Variants in PDE11A observed in about 807,000 individuals in gnomAD.
PDE11A encodes dual 3',5'-cyclic-AMP and -GMP phosphodiesterase 11A.
In PDE11A, 100 loss-of-function variants were observed where a neutral mutation model predicts 100.5. The ratio of observed to expected loss-of-function variants is 1.00; its 90% CI spans 0.85 to 1.18. PDE11A has a LOEUF of 1.18. PDE11A is among the 50% of genes most tolerant of loss of function. The probability of loss-of-function intolerance (pLI) is 0.00; values close to 1 mark genes in which losing one functional copy is unlikely to be tolerated. For synonymous variants in PDE11A, 381 were observed against 420.8 expected, an observed-to-expected ratio of 0.91 and a Z score of 1.16; for missense variants, 1,141 against 1,152.6, an observed-to-expected ratio of 0.99 and a Z score of 0.15.
intron 9 of PDE11A, among the ~76,000 whole-genome samples, chr2:177,798,718 T>C (rs927840400): frequency 1.3e-5 from 2 of 152,192 alleles, no homozygotes; most frequent in African/African-American, 4.8e-5. Flanking sequence ...GGTGTATATA[T>C]ATCCTGAGTA....
chr2:177,958,177 C>G (rs1169486591), intron 2 of PDE11A, among the ~76,000 whole-genome samples: 1 of 152,052 alleles, frequency 6.6e-6, no homozygotes, highest in African/African-American at 2.4e-5. Flanking sequence ...AGGTGTGAGC[C>G]ACCGTGCCCG....
At chr2:177,712,552 T>C (rs2081372471) in intron 12 of PDE11A, among the ~76,000 whole-genome samples, 1 of 152,202 alleles carries the variant, frequency 6.6e-6, no homozygotes, top group Non-Finnish European at 1.5e-5. Flanking sequence ...GAGTGGGGTA[T>C]CCATTACTGG....
At chr2:177,643,482 C>A (rs190754934) in intron 19 of PDE11A, among the ~76,000 whole-genome samples, 1 of 152,034 alleles carries the variant, frequency 6.6e-6, no homozygotes, top group Non-Finnish European at 1.5e-5. Flanking sequence ...GGGTACCTGG[C>A]GGAAGAAATT....
chr2:177,793,095 T>C (rs2082655122), intron 9 of PDE11A, among the ~76,000 whole-genome samples: 1 of 151,704 alleles, frequency 6.6e-6, no homozygotes, highest in South Asian at 2.1e-4. Flanking sequence ...CACCTTTGTG[T>C]GGTGTTAGGG....
chr2:177,966,374 T>C (rs187391786), intron 2 of PDE11A, among the ~76,000 whole-genome samples: 27 of 152,278 alleles, frequency 1.8e-4, no homozygotes, highest in African/African-American at 6.5e-4. Flanking sequence ...AGTCTTCCAG[T>C]ACTATGATGA....
chr2:177,796,327 G>A (rs1013721622), intron 9 of PDE11A, among the ~76,000 whole-genome samples: 2 of 151,998 alleles, frequency 1.3e-5, no homozygotes, highest in Admixed American at 6.6e-5. Flanking sequence ...AGGTACCTGG[G>A]ATCAGCCAAA....
intron 19 of PDE11A, among the ~76,000 whole-genome samples, chr2:177,647,740 T>A (rs970306972): frequency 6.6e-6 from 1 of 152,096 alleles, no homozygotes; most frequent in African/African-American, 2.4e-5. Context: ...TAGGTAAAGA[T>A]CCTTGGGGGA....
intron 10 of PDE11A, among the ~76,000 whole-genome samples, chr2:177,737,396 G>A (rs1248090873): frequency 1.9e-5 from 2 of 106,174 alleles, no homozygotes; most frequent in East Asian, 6.7e-4. Context: ...GGCTAACACA[G>A]TGAAACCCCG....
intron 1 of PDE11A, among the ~76,000 whole-genome samples, chr2:178,017,788 G>C (rs2086357395): frequency 6.6e-6 from 1 of 152,002 alleles, no homozygotes; most frequent in Non-Finnish European, 1.5e-5. Context: ...GTGAAACCTT[G>C]TCTCTACTAA....
At chr2:177,998,025 G>T in intron 2 of PDE11A, 1 of 1,254,820 alleles carries the variant, frequency 8.0e-7, no homozygotes, top group Non-Finnish European at 1.2e-6. Flanking sequence ...CAGTTTTAGA[G>T]AAGAAGGGTA....
At chr2:177,723,926 G>A (rs959550994) in intron 12 of PDE11A, among the ~76,000 whole-genome samples, 6 of 151,916 alleles carry the variant, frequency 3.9e-5, no homozygotes, top group Non-Finnish European at 8.8e-5. Flanking sequence ...AGTCTACATC[G>A]TGAATATAAG....
intron 2 of PDE11A, among the ~76,000 whole-genome samples, chr2:177,912,704 T>A (rs1019819444): frequency 1.7e-4 from 26 of 152,208 alleles, no homozygotes; most frequent in African/African-American, 6.0e-4. Context: ...AGAAAAAAAA[T>A]ACCCATATTT....
At chr2:177,909,739 T>C (rs2084849232) in intron 2 of PDE11A, among the ~76,000 whole-genome samples, 1 of 152,182 alleles carries the variant, frequency 6.6e-6, no homozygotes, top group African/African-American at 2.4e-5. Context: ...TTATTTTTTT[T>C]CCAAAGACAA....
chr2:177,702,186 T>C (rs944649152), intron 13 of PDE11A, among the ~76,000 whole-genome samples: 26 of 152,088 alleles, frequency 1.7e-4, no homozygotes, highest in African/African-American at 6.0e-4. Context: ...ACAATGTCAG[T>C]TCTGCAAAGC....
chr2:177,872,918 C>T (rs891617815), intron 5 of PDE11A, among the ~76,000 whole-genome samples: 1 of 152,176 alleles, frequency 6.6e-6, no homozygotes, highest in African/African-American at 2.4e-5. Context: ...ATGGAAAGGT[C>T]TTCTGAGATA....
At chr2:178,093,858 C>T (rs1461068380) in intron 2 of PDE11A, among the ~76,000 whole-genome samples, 1 of 152,172 alleles carries the variant, frequency 6.6e-6, no homozygotes, top group Non-Finnish European at 1.5e-5. Context: ...TTGAAAGAAG[C>T]ACTCTAACTT....
chr2:177,686,571 A>C (rs2080954748), intron 15 of PDE11A: 1 of 152,328 alleles, frequency 6.6e-6, no homozygotes, highest in Admixed American at 6.5e-5. Flanking sequence ...TGTTTCAAAA[A>C]AGAAAAAAAA....
At chr2:177,747,488 C>G (rs2081965568) in intron 10 of PDE11A, among the ~76,000 whole-genome samples, 1 of 151,500 alleles carries the variant, frequency 6.6e-6, no homozygotes, top group Non-Finnish European at 1.5e-5. Context: ...TGTGGAGCAT[C>G]TGGGCCAAGT....
At chr2:177,766,298 C>A (rs969851220) in intron 10 of PDE11A, among the ~76,000 whole-genome samples, 1 of 152,204 alleles carries the variant, frequency 6.6e-6, no homozygotes, top group Non-Finnish European at 1.5e-5. Context: ...AATGCCACTG[C>A]TGATCTGACA....
Sources: gnomAD v4.1 joint callset for allele counts (sites outside exome capture counted in the v4.1 genomes callset) on GRCh38, gnomAD v4.1.1 for gene constraint, MANE v1.5 for transcripts, NCBI Gene and HGNC (gene_info 2026-07-23, HGNC 2026-07-21) for gene names.